Variants in FMNL3 observed in about 807,000 individuals in gnomAD.
FMNL3 encodes the protein formin-like protein 3.
A neutral mutation model predicts 119.6 loss-of-function variants in FMNL3; 57 were observed. The ratio of observed to expected loss-of-function variants is 0.48; its 90% CI spans 0.39 to 0.59. The LOEUF is 0.59. Among genes scored for constraint, FMNL3 ranks in the 20% least tolerant of loss-of-function variants. FMNL3 has a pLI of 0.00. For missense variants in FMNL3, 1,053 were observed against 1,323.5 expected (o/e 0.80, Z 3.17); for synonymous variants, 491 against 507.3 (o/e 0.97, Z 0.43).
At chr12:49,680,805 T>C (rs1490105883) in intron 1 of FMNL3, among the ~76,000 whole-genome samples, 2 of 152,220 alleles carry the variant, frequency 1.3e-5, no homozygotes, top group East Asian at 3.8e-4. Context: ...TCTCACTTAC[T>C]ATTCTCAATA....
At position 49,652,152 on chromosome 12, in the gene FMNL3, C is replaced by A; in HGVS notation, c.1384G>T (p.Glu462Ter). The part of the protein sequence containing the change: ...HTLRRLIKEK[E>*]EAFQRRCHLE... ...TGACATCGACGCTGAAAGGCCTCCT[C>A]CTTCTCTTTAATGAGCCTCCGCAGG... is the stretch of plus-strand genomic sequence containing the variant. Residue 462 changes from glutamate (E) to a stop codon, truncating the protein, a stop_gained, in exon 14 of 26, where the codon GAG (glutamate) becomes TAG (stop). Coordinates refer to ENST00000335154, the MANE Select transcript of FMNL3 (RefSeq NM_175736.5). LOFTEE classifies it high-confidence loss of function. 6.2e-7 allele frequency: 1 copy of A among 1,613,388 alleles called. No individual in the cohort carries two copies. Among genetic ancestry groups the A allele is most frequent in the South Asian group, 1.1e-5 (1 of 90,776 alleles).
At position 49,652,067 on chromosome 12, in the gene FMNL3, C is replaced by A; in HGVS notation, c.1469G>T (p.Gly490Val). 1.2e-6 allele frequency: 2 copies of A among 1,612,228 alleles called. No homozygotes were observed. The highest frequency in any genetic ancestry group is 1.7e-6 in the Non-Finnish European group (2 of 1,179,286). ...SVDSEALARV[G>V]PAELSEGMPP... ...CATGCCCTCACTCAGCTCTGCAGGG[C>A]CTACTCTGGCCAGGGCCTCACTGTC... is the stretch of plus-strand genomic sequence containing the variant. The change falls in exon 14 of 26, where the codon GGC (glycine) becomes GTC (valine). Residue 490 changes from glycine (G) to valine (V), a missense_variant. Around this residue, in one of 4 missense-constraint regions of FMNL3, gnomAD observed 445 missense variants for 628.4 expected, o/e 0.71. Coordinates refer to ENST00000335154, the MANE Select transcript of FMNL3 (RefSeq NM_175736.5).
At position 49,658,583 on chromosome 12, in the gene FMNL3, T is replaced by C. The variant is rs775397435; in HGVS notation, c.464A>G (p.Glu155Gly). The part of the protein sequence containing the change: ...FAQCSVMFDF[E>G]GLESGDDGAF... ...ACCATCGTCACCACTTTCCAGACCCTCAAAGTCAAACCTGGAGCATGAAAG... is the reference window on the plus strand; with the variant it reads ...ACCATCGTCACCACTTTCCAGACCCCCAAAGTCAAACCTGGAGCATGAAAG... The change falls in exon 6 of 26, where the codon GAG becomes GGG. Residue 155 changes from glutamate to glycine, a missense_variant. Glu to Gly is a moderately conservative substitution (Grantham distance 98). This residue lies in a region of FMNL3 where 264 missense variants were observed against 265.5 expected (regional missense o/e 0.99). Coordinates refer to ENST00000335154, the MANE Select transcript of FMNL3 (RefSeq NM_175736.5). 1.2e-6 allele frequency: 2 copies of C among 1,608,522 alleles called. No individual in the cohort carries two copies. Among genetic ancestry groups the C allele is most frequent in the Non-Finnish European group, 1.7e-6 (2 of 1,177,202 alleles).
intron 5 of FMNL3, among the ~76,000 whole-genome samples, chr12:49,661,378 G>A (rs756940007): frequency 3.9e-5 from 6 of 152,158 alleles, no homozygotes; most frequent in Non-Finnish European, 7.3e-5. Flanking sequence ...ACCCAGCTTT[G>A]TCTGACTCAA....
chr12:49,646,890 G>T lies in FMNL3; in HGVS notation c.2991C>A (p.Ile997=), dbSNP rs1358294140. ...EGKDGTIEDI[I]TGLHCQPMVV... is the part of the protein sequence containing the mutation. ...AGGGAGTGAAAAGGGCCCCACCTGT[G>T]ATGATGTCCTCGATGGTACCATCCT... The change falls in exon 25 of 26, where the codon ATC becomes ATA. Residue 997 remains isoleucine (I), a synonymous_variant. Transcript: ENST00000335154. 6.2e-6 allele frequency: 10 copies of T among 1,613,944 alleles called. No individual in the cohort carries two copies. The highest frequency in any genetic ancestry group is 7.6e-6 in the Non-Finnish European group (9 of 1,179,912).
chr12:49,648,359 C>A lies in FMNL3; in HGVS notation c.2516-6G>T. On this transcript the variant is annotated splice_region_variant and splice_polypyrimidine_tract_variant and intron_variant, in intron 21 of 25. Transcript: ENST00000335154. ...CAGCACGTTCTCCAGGGACACTGGT[C>A]ACCAAAAGCCTGGCTGAGGAATGCC... 2 of 1,607,840 alleles carry A rather than the reference C, an allele frequency of 1.2e-6. No homozygotes were observed. The highest frequency in any genetic ancestry group is 2.2e-5 in the South Asian group (2 of 90,456).
chr12:49,704,913 T>G (rs1945007046), intron 1 of FMNL3, among the ~76,000 whole-genome samples: 1 of 152,168 alleles, frequency 6.6e-6, no homozygotes, highest in Admixed American at 6.6e-5. Flanking sequence ...TTGATTTTTC[T>G]ACTACACTAT....
intron 2 of FMNL3, among the ~76,000 whole-genome samples, chr12:49,667,370 C>T (rs189161677): frequency 6.8e-4 from 103 of 152,314 alleles, no homozygotes; most frequent in African/African-American, 2.3e-3. Flanking sequence ...TTACTGTTCT[C>T]CAAACCCCAA....
chr12:49,658,619 C>G (rs200979600), intron 5 of FMNL3, 25 bp from the exon 6 acceptor site: 1 of 1,579,276 alleles, frequency 6.3e-7, no homozygotes, highest in Admixed American at 1.8e-5. Flanking sequence ...GACACACATG[C>G]GCATACACAG....
At position 49,645,846 on chromosome 12, in the gene FMNL3, C is replaced by T. The variant is rs780351982; in HGVS notation, c.3053G>A (p.Ser1018Asn). Residue 1018 changes from serine (S) to asparagine (N), a missense_variant, in exon 26 of 26, where the codon AGT (serine) becomes AAT (asparagine). Physicochemically the swap from Ser to Asn is conservative, Grantham distance 46 (BLOSUM62 1). Transcript: ENST00000335154. Reference protein sequence around the residue: ...RHQARSAAPPSGPPRAPGPH With the variant: ...RHQARSAAPPNGPPRAPGPH ...GGGGCCTGGAGCCCGAGGGGGACCACTGGGCGGTGCAGCACTCCTGGCTTG... is the reference window on the plus strand; with the variant it reads ...GGGGCCTGGAGCCCGAGGGGGACCATTGGGCGGTGCAGCACTCCTGGCTTG... 1.9e-6 allele frequency: 3 copies of T among 1,606,190 alleles called. No homozygotes were observed. Among genetic ancestry groups the T allele is most frequent in the Non-Finnish European group, 2.5e-6 (3 of 1,177,320 alleles).
At position 49,662,055 on chromosome 12, in the gene FMNL3, G is replaced by C. The variant is rs1294529629; in HGVS notation, c.369-6C>G. The C allele has an allele frequency of 6.2e-7, 1 of 1,613,986 alleles. No homozygotes were observed. Among genetic ancestry groups the C allele is most frequent in the African/African-American group, 1.3e-5 (1 of 74,884 alleles). Reference sequence around the variant, plus strand: ...TCAGAAATTCCCGCACCCACCTGCAGATAAAGGAAACACAGTGGAAGGGGT... The same window carrying C: ...TCAGAAATTCCCGCACCCACCTGCACATAAAGGAAACACAGTGGAAGGGGT... On this transcript the variant is annotated splice_region_variant and splice_polypyrimidine_tract_variant and intron_variant, in intron 4 of 25. Transcript: ENST00000335154.
chr12:49,707,389 G>C lies in FMNL3; in HGVS notation c.-209C>G. 1 of 389,008 alleles carries C rather than the reference G, an allele frequency of 2.6e-6. No homozygotes were observed. Among genetic ancestry groups the C allele is most frequent in the Middle Eastern group, 6.8e-4 (1 of 1,470 alleles). 24.1% of individuals were successfully genotyped at this position (389,008 alleles called of 1,614,324 possible). The stretch of plus-strand genomic sequence containing the variant: ...CAGCGTAGCGGACAGCCGCACCGAA[G>C]CAAGGCGGACGGAGGCGGCCGGCTC... On this transcript the variant is annotated 5_prime_UTR_variant, in exon 1 of 26. Coordinates refer to ENST00000335154, the MANE Select transcript of FMNL3 (RefSeq NM_175736.5).
rs1264167995 is a variant in FMNL3, at chr12:49,695,311, T to C, written c.126+11744A>G. 2.6e-5 allele frequency among the ~76,000 whole-genome samples: 4 copies of C among 152,268 alleles called. No homozygotes were observed. In the East Asian group the frequency reaches 7.7e-4, roughly 29 times the overall value. On this transcript the variant is annotated intron_variant, in intron 1 of 25. Transcript: ENST00000335154. ...GTTTTATTTGTACCCTTACAGATAC[T>C]TTTTTATTAATTTAAAATCTATATA...
chr12:49,703,818 AC>A (rs1197432617), intron 1 of FMNL3, among the ~76,000 whole-genome samples: 4 of 151,918 alleles, frequency 2.6e-5, no homozygotes, highest in African/African-American at 9.7e-5. Flanking sequence ...TGTGGTCTTG[AC>A]TCAGCACTGA....
intron 2 of FMNL3, among the ~76,000 whole-genome samples, chr12:49,666,473 T>C (rs1034766381): frequency 6.6e-6 from 1 of 152,200 alleles, no homozygotes; most frequent in Non-Finnish European, 1.5e-5. Flanking sequence ...TTTAAAAGTG[T>C]GCTGCTTGCT....
Position 49,645,902 on chromosome 12 carries a change from G to A in FMNL3, c.2997C>T (p.Gly999=), listed in dbSNP as rs1293670354. The change falls in exon 26 of 26, where the codon GGC becomes GGT. Residue 999 remains glycine (G), a splice_region_variant and synonymous_variant. Coordinates refer to ENST00000335154, the MANE Select transcript of FMNL3 (RefSeq NM_175736.5). ...KDGTIEDIIT[G]LHCQPMVVRH... ...GAACAACCATAGGCTGGCAGTGGAG[G>A]CCTGTGGGGGAAGAGAGAGACCTGT... is the stretch of plus-strand genomic sequence containing the variant. The A allele has an allele frequency of 6.2e-7, 1 of 1,612,146 alleles. No homozygotes were observed. Among genetic ancestry groups the A allele is most frequent in the Admixed American group, 1.7e-5 (1 of 59,788 alleles).
intron 1 of FMNL3, among the ~76,000 whole-genome samples, chr12:49,680,316 A>G (rs1399597062): frequency 1.3e-5 from 2 of 152,252 alleles, no homozygotes; most frequent in Admixed American, 6.5e-5. Flanking sequence ...CCTGCTTTAT[A>G]GAAAGATAAA....
In FMNL3 at chr12:49,673,642, G is replaced by T. The variant is rs558600839; in HGVS notation, c.127-5088C>A. ...GCTCCTGCTGCCTTGGCCCCTTGGC[G>T]GCCACAGCCAGTCCTGCCGCAGTAG... On this transcript the variant is annotated intron_variant, in intron 1 of 25. Transcript: ENST00000335154. 2.5e-4 allele frequency among the ~76,000 whole-genome samples: 38 copies of T among 152,360 alleles called. No homozygotes were observed. The South Asian group carries it at 7.2e-3, about 29-fold the overall frequency.
intron 2 of FMNL3, 99 bp from the exon 3 acceptor site, chr12:49,666,306 G>T (rs888329679): frequency 1.0e-5 from 11 of 1,050,308 alleles, no homozygotes; most frequent in Non-Finnish European, 1.4e-5. Context: ...GTGTGAGGGG[G>T]ACTCAGCCTC....
Sources: allele counts gnomAD v4.1 joint callset (sites outside exome capture counted in the v4.1 genomes callset), GRCh38; gene constraint gnomAD v4.1.1; regional missense constraint gnomAD v4.1.1; transcripts MANE v1.5; gene names NCBI Gene and HGNC (gene_info 2026-07-23, HGNC 2026-07-21).